The following BMERB1 variants were observed in gnomAD, a reference collection of about 807,000 sequenced individuals.
BMERB1 encodes the protein bMERB domain-containing protein 1.
A neutral mutation model predicts 23.6 loss-of-function variants in BMERB1; 12 were observed. That is an observed-to-expected ratio of 0.51 (90% CI 0.33 to 0.82). BMERB1 has a LOEUF of 0.82. Among genes scored for constraint, BMERB1 ranks in the 40% least tolerant of loss-of-function variants. The pLI is 0.03. For missense variants in BMERB1, 247 were observed against 255.4 expected, an observed-to-expected ratio of 0.97 and a Z score of 0.22; for synonymous variants, 122 against 96.6, an observed-to-expected ratio of 1.26 and a Z score of -1.54.
chr16:15,506,727 A>G (rs528407957), intron 1 of BMERB1, among the ~76,000 whole-genome samples: 11 of 150,766 alleles, frequency 7.3e-5, no homozygotes, highest in East Asian at 1.9e-4. Context: ...GGGATGTATC[A>G]CAATGTAACA....
chr16:15,526,216 A>G (rs573957857), intron 2 of BMERB1, among the ~76,000 whole-genome samples: 1 of 152,306 alleles, frequency 6.6e-6, no homozygotes, highest in East Asian at 1.9e-4. Context: ...GAGCATCAGG[A>G]GGCATGTTCC....
At chr16:15,510,851 G>A (rs2051655746) in intron 1 of BMERB1, among the ~76,000 whole-genome samples, 1 of 152,002 alleles carries the variant, frequency 6.6e-6, no homozygotes, top group South Asian at 2.1e-4. Flanking sequence ...ACAGGCACCT[G>A]CCAGCATGCC....
intron 1 of BMERB1, among the ~76,000 whole-genome samples, chr16:15,438,217 G>C (rs2050905660): frequency 6.6e-6 from 1 of 151,122 alleles, no homozygotes; most frequent in South Asian, 2.1e-4. Context: ...CTCCCAAGTA[G>C]CTGGGACTAC....
chr16:15,447,992 C>G (rs151276866), intron 1 of BMERB1: 2 of 445,550 alleles, frequency 4.5e-6, no homozygotes, highest in African/African-American at 4.0e-5. Flanking sequence ...TGGGTTCAAG[C>G]GATTGTCCTG....
intron 1 of BMERB1, among the ~76,000 whole-genome samples, chr16:15,462,790 TGCTGTACAA>T (rs2051147148): frequency 6.6e-6 from 1 of 152,162 alleles, no homozygotes; most frequent in Non-Finnish European, 1.5e-5. Flanking sequence ...TAAGGAGGCA[TGCTGTACAA>T]GTAAATGTCA....
At chr16:15,555,242 AT>A (rs1225355165) in intron 2 of BMERB1, among the ~76,000 whole-genome samples, 7 of 151,798 alleles carry the variant, frequency 4.6e-5, no homozygotes, top group African/African-American at 1.7e-4. Context: ...GGCATAGCTA[AT>A]TTTTTTATTG....
At chr16:15,555,588 A>G (rs943105652) in intron 2 of BMERB1, among the ~76,000 whole-genome samples, 2 of 152,234 alleles carry the variant, frequency 1.3e-5, no homozygotes, top group African/African-American at 2.4e-5. Context: ...AGGAAAGGCC[A>G]GTGTGACAGG....
rs761700422 is a variant in BMERB1, at chr16:15,504,328, T to G, written c.107-10977T>G. 5.9e-5 allele frequency among the ~76,000 whole-genome samples: 9 copies of G among 152,352 alleles called. No individual in the cohort carries two copies. The South Asian group carries it at 1.7e-3, about 28-fold the overall frequency. On this transcript the variant is annotated intron_variant, in intron 1 of 5. Coordinates refer to ENST00000300006, the MANE Select transcript of BMERB1 (RefSeq NM_033201.3). ...TGACCATTGGTAAATTGCTAAAATTTCAATGAATATAGTTAATAACAATGC... is the reference window on the plus strand; with the variant it reads ...TGACCATTGGTAAATTGCTAAAATTGCAATGAATATAGTTAATAACAATGC...
At chr16:15,549,633 C>G (rs2030023400) in intron 2 of BMERB1, among the ~76,000 whole-genome samples, 1 of 151,130 alleles carries the variant, frequency 6.6e-6, no homozygotes, top group South Asian at 2.1e-4. Flanking sequence ...GAGCTGAGAT[C>G]ACGCCACTGC....
chr16:15,500,626 G>A (rs1173205930), intron 1 of BMERB1, among the ~76,000 whole-genome samples: 3 of 152,188 alleles, frequency 2.0e-5, no homozygotes, highest in Non-Finnish European at 4.4e-5. Flanking sequence ...CACTTGAAAT[G>A]TGGCCATTCC....
chr16:15,469,565 G>A (rs1000504919), intron 1 of BMERB1, among the ~76,000 whole-genome samples: 1 of 152,146 alleles, frequency 6.6e-6, no homozygotes, highest in Non-Finnish European at 1.5e-5. Context: ...TAAACCTACA[G>A]GTCATTTTGA....
chr16:15,451,552 CTTTTTTTTTTTT>C (rs35544766), intron 1 of BMERB1, among the ~76,000 whole-genome samples: 1 of 84,022 alleles, frequency 1.2e-5, no homozygotes, highest in South Asian at 4.3e-4. Flanking sequence ...CTTAGTATTT[CTTTTTTTTTTTT>C]TTTTTTTTTT....
intron 2 of BMERB1, among the ~76,000 whole-genome samples, chr16:15,540,251 T>G (rs1567491206): frequency 6.6e-6 from 1 of 151,914 alleles, no homozygotes; most frequent in Admixed American, 6.6e-5. Context: ...AAATAGACAA[T>G]AAAAGAGAAC....
At chr16:15,451,772 T>C (rs1173509487) in intron 1 of BMERB1, among the ~76,000 whole-genome samples, 1 of 139,566 alleles carries the variant, frequency 7.2e-6, no homozygotes, top group Non-Finnish European at 1.5e-5. Context: ...GACAGGGTCT[T>C]ACTTTAGTGC....
chr16:15,554,921 C>A, intron 2 of BMERB1, among the ~76,000 whole-genome samples: 1 of 152,102 alleles, frequency 6.6e-6, no homozygotes, highest in East Asian at 1.9e-4. Context: ...CCGCCTCGGC[C>A]TCCCAAAGTG....
intron 2 of BMERB1, among the ~76,000 whole-genome samples, chr16:15,519,328 A>C (rs188303212): frequency 2.0e-5 from 3 of 152,316 alleles, no homozygotes; most frequent in Admixed American, 2.0e-4. Context: ...AGACCATGTG[A>C]GTCAGCCCCT....
At chr16:15,541,423 GTTTT>G (rs869249451) in intron 2 of BMERB1, among the ~76,000 whole-genome samples, 7 of 92,120 alleles carry the variant, frequency 7.6e-5, no homozygotes, top group Admixed American at 1.3e-4. Flanking sequence ...CCGCCGAATT[GTTTT>G]TTTTTTTTTT....
intron 2 of BMERB1, among the ~76,000 whole-genome samples, chr16:15,519,692 C>G (rs2051825563): frequency 6.6e-6 from 1 of 152,132 alleles, no homozygotes; most frequent in South Asian, 2.1e-4. Flanking sequence ...CCTGCATTGA[C>G]TCTTTTAAGC....
At chr16:15,528,462 C>T (rs1481727069) in intron 2 of BMERB1, among the ~76,000 whole-genome samples, 1 of 152,148 alleles carries the variant, frequency 6.6e-6, no homozygotes, top group Non-Finnish European at 1.5e-5. Flanking sequence ...CAAACACCTT[C>T]CAGAATTTGT....
Sources: gnomAD v4.1 joint callset for allele counts (sites outside exome capture counted in the v4.1 genomes callset) on GRCh38, gnomAD v4.1.1 for gene constraint, MANE v1.5 for transcripts, NCBI Gene and HGNC (gene_info 2026-07-23, HGNC 2026-07-21) for gene names.